CEP170: variants seen among roughly 807,000 people sequenced by gnomAD.
CEP170 encodes centrosomal protein of 170 kDa.
In CEP170, 21 loss-of-function variants were observed where a neutral mutation model predicts 151.9. That is an observed-to-expected ratio of 0.14 (90% CI 0.10 to 0.20). The LOEUF (loss-of-function observed/expected upper bound fraction) is 0.20, where lower values mean the gene tolerates loss of function less well. Among genes scored for constraint, CEP170 ranks in the 10% least tolerant of loss-of-function variants. The pLI is 1.00. For synonymous variants in CEP170, 356 were observed against 648.8 expected, an observed-to-expected ratio of 0.55 and a Z score of 6.86; for missense variants, 964 against 1,892.9, an observed-to-expected ratio of 0.51 and a Z score of 9.11.
chr1:243,140,921 A>G (rs1211501260), intron 15 of CEP170, among the ~76,000 whole-genome samples: 1 of 152,212 alleles, frequency 6.6e-6, no homozygotes, highest in Admixed American at 6.5e-5. Flanking sequence ...AGAATTGTGT[A>G]TGTCTTGCCA....
chr1:243,183,788 C>G (rs953812337), intron 10 of CEP170, among the ~76,000 whole-genome samples: 1 of 152,164 alleles, frequency 6.6e-6, no homozygotes, highest in Admixed American at 6.5e-5. Flanking sequence ...GACTCCTGCT[C>G]TAAAGTCTTG....
chr1:243,137,565 A>C (rs534542948), intron 16 of CEP170, among the ~76,000 whole-genome samples: 51 of 152,230 alleles, frequency 3.4e-4, no homozygotes, highest in African/African-American at 1.1e-3. Flanking sequence ...TCACGAGGTC[A>C]GGAGATCGAG....
At chr1:243,142,057 G>C (rs1014222298) in intron 15 of CEP170, among the ~76,000 whole-genome samples, 1 of 152,218 alleles carries the variant, frequency 6.6e-6, no homozygotes, top group African/African-American at 2.4e-5. Flanking sequence ...TTCAAGTGAA[G>C]CTATGGACCA....
chr1:243,194,578 T>C (rs2060517994), intron 7 of CEP170, among the ~76,000 whole-genome samples: 1 of 151,886 alleles, frequency 6.6e-6, no homozygotes, highest in Non-Finnish European at 1.5e-5. Flanking sequence ...TGTGGAAGGA[T>C]TCATTTCCCT....
chr1:243,217,475 T>C (rs1187078754), intron 3 of CEP170, among the ~76,000 whole-genome samples: 1 of 152,238 alleles, frequency 6.6e-6, no homozygotes, highest in Non-Finnish European at 1.5e-5. Flanking sequence ...TAAGCACCTG[T>C]TGTGTGTTGA....
intron 1 of CEP170, among the ~76,000 whole-genome samples, chr1:243,229,079 T>G (rs1402784978): frequency 6.6e-6 from 1 of 152,176 alleles, no homozygotes; most frequent in Non-Finnish European, 1.5e-5. Flanking sequence ...CCCTCAGTAT[T>G]AAGACACTCT....
chr1:243,169,155 G>A (rs925423629), intron 12 of CEP170: 17 of 155,728 alleles, frequency 1.1e-4, no homozygotes, highest in African/African-American at 3.9e-4. Flanking sequence ...CAGCATATCA[G>A]AAAGAGTAGG....
chr1:243,252,181 A>T (rs2065996003), intron 1 of CEP170, among the ~76,000 whole-genome samples: 1 of 152,214 alleles, frequency 6.6e-6, no homozygotes, highest in African/African-American at 2.4e-5. Flanking sequence ...TTCAAATGGC[A>T]CGTAACTGCT....
chr1:243,190,139 T>G (rs1459752558), intron 8 of CEP170, among the ~76,000 whole-genome samples: 2 of 152,228 alleles, frequency 1.3e-5, no homozygotes, highest in Non-Finnish European at 2.9e-5. Context: ...ACCTATCACA[T>G]GCTCAAGTAC....
chr1:243,217,507 A>G (rs1477169897), intron 3 of CEP170, among the ~76,000 whole-genome samples: 1 of 152,242 alleles, frequency 6.6e-6, no homozygotes, highest in East Asian at 1.9e-4. Flanking sequence ...AGGCACTTTC[A>G]GAGATCGAGA....
At chr1:243,196,603 A>G (rs1001475818) in intron 7 of CEP170, among the ~76,000 whole-genome samples, 6 of 152,156 alleles carry the variant, frequency 3.9e-5, no homozygotes, top group Non-Finnish European at 8.8e-5. Context: ...CTAAAATTTT[A>G]ACGGCAAGAT....
chr1:243,130,282 T>TA (rs1281444327), intron 17 of CEP170, among the ~76,000 whole-genome samples: 2 of 152,182 alleles, frequency 1.3e-5, no homozygotes, highest in Non-Finnish European at 2.9e-5. Context: ...GTGTATATTA[T>TA]TTTGAAGACA....
intron 6 of CEP170, among the ~76,000 whole-genome samples, chr1:243,200,208 G>T (rs944235525): frequency 6.6e-6 from 1 of 152,008 alleles, no homozygotes; most frequent in Non-Finnish European, 1.5e-5. Flanking sequence ...TTTACATAAG[G>T]AACTTGAGCA....
Position 243,211,926 on chromosome 1 carries a change from A to G in CEP170, c.234T>C (p.Tyr78=), listed in dbSNP as rs199883043. The G allele has an allele frequency of 5.4e-5, 85 of 1,583,968 alleles. 1 individual carries two copies. Among genetic ancestry groups the G allele is most frequent in the Admixed American group, 2.0e-4 (11 of 54,104 alleles). ...VNDVRIPEQT[Y]ITLKLEDKLR... is the part of the protein sequence containing the mutation. The stretch of plus-strand genomic sequence containing the variant: ...GCTTATCTTCAAGTTTCAAGGTGAT[A>G]TAAGTCTGTTCCGGAATCCTTACAT... The change falls in exon 4 of 20, where the codon TAT becomes TAC. Residue 78 remains tyrosine, a synonymous_variant. Transcript: ENST00000366542.
At chr1:243,254,187 A>AAAATAAATAAATAAATAAATAAAT (rs139268057) in intron 1 of CEP170, among the ~76,000 whole-genome samples, 3 of 148,676 alleles carry the variant, frequency 2.0e-5, no homozygotes, top group African/African-American at 7.5e-5. Flanking sequence ...TACATTCCTC[A>AAAATAAATAAATAAATAAATAAAT]AAATAAATAA....
At chr1:243,221,126 G>A (rs2062771649) in intron 3 of CEP170, among the ~76,000 whole-genome samples, 1 of 152,108 alleles carries the variant, frequency 6.6e-6, no homozygotes, top group African/African-American at 2.4e-5. Context: ...CCGGGTTCAC[G>A]CCATTCTCCT....
At chr1:243,216,350 C>A (rs1192541343) in intron 3 of CEP170, among the ~76,000 whole-genome samples, 1 of 151,186 alleles carries the variant, frequency 6.6e-6, no homozygotes, top group Admixed American at 6.6e-5. Flanking sequence ...TATCCCTGCC[C>A]CCCTCCCCCC....
intron 14 of CEP170, among the ~76,000 whole-genome samples, chr1:243,149,656 A>G (rs1377004664): frequency 6.6e-6 from 1 of 152,224 alleles, no homozygotes; most frequent in Admixed American, 6.5e-5. Flanking sequence ...TCTCCAAAAC[A>G]AAAAACATTT....
In CEP170 at chr1:243,185,652, T is replaced by C; in HGVS notation, c.1566+127A>G. The C allele has an allele frequency of 7.2e-7, 1 of 1,387,216 alleles. No individual in the cohort carries two copies. The highest frequency in any genetic ancestry group is 1.4e-5 in the South Asian group (1 of 69,064). 85.9% of individuals were successfully genotyped at this position (1,387,216 alleles called of 1,614,324 possible). On this transcript the variant is annotated intron_variant, in intron 10 of 19. Coordinates refer to ENST00000366542, the MANE Select transcript of CEP170 (RefSeq NM_014812.3). The surrounding 1 kb of genome is among the most constrained non-coding windows in gnomAD (Gnocchi z 4.9). Reference sequence around the variant, plus strand: ...CTTACTGTTAAGTCTTGCAGTTCCCTAACAAAACCCTAAAATTCACATACC... The same window carrying C: ...CTTACTGTTAAGTCTTGCAGTTCCCCAACAAAACCCTAAAATTCACATACC...
Sources: gnomAD v4.1 joint callset for allele counts (sites outside exome capture counted in the v4.1 genomes callset) on GRCh38, gnomAD v4.1.1 for gene constraint, Gnocchi (gnomAD v3.1) non-coding constraint, MANE v1.5 for transcripts, NCBI Gene and HGNC (gene_info 2026-07-23, HGNC 2026-07-21) for gene names.